Variants in MACF1 observed in about 807,000 individuals in gnomAD.
MACF1 encodes the protein microtubule-actin cross-linking factor 1.
MACF1 carries 193 observed loss-of-function variants against 854.8 expected under a neutral mutation model. The ratio of observed to expected loss-of-function variants is 0.23; its 90% CI spans 0.20 to 0.25. The LOEUF (loss-of-function observed/expected upper bound fraction) is 0.25, where lower values mean the gene tolerates loss of function less well. MACF1 is among the 10% of genes least tolerant of loss of function. The pLI is 1.00. For missense variants in MACF1, 7,722 were observed against 8,929.1 expected, an observed-to-expected ratio of 0.86 and a Z score of 5.45; for synonymous variants, 3,185 against 3,226.7, an observed-to-expected ratio of 0.99 and a Z score of 0.44.
intron 58 of MACF1, among the ~76,000 whole-genome samples, chr1:39,416,460 C>T (rs575501633): frequency 2.4e-4 from 35 of 143,252 alleles, no homozygotes; most frequent in Non-Finnish European, 4.3e-4. Context: ...GCCTAGGCAA[C>T]ATAGTAAGAC....
intron 1 of MACF1, among the ~76,000 whole-genome samples, chr1:39,210,371 C>T (rs1393092812): frequency 6.6e-6 from 1 of 151,562 alleles, no homozygotes; most frequent in Middle Eastern, 3.2e-3. Flanking sequence ...CCATTCCTTT[C>T]CTTTTTTTAA....
At chr1:39,211,530 G>A (rs1644516388) in intron 1 of MACF1, among the ~76,000 whole-genome samples, 1 of 152,064 alleles carries the variant, frequency 6.6e-6, no homozygotes, top group African/African-American at 2.4e-5. Flanking sequence ...GCCTCCCAAA[G>A]TGCTGGGATT....
chr1:39,333,538 T>C lies in MACF1; in HGVS notation c.6950T>C (p.Val2317Ala), dbSNP rs2148471864. Residue 2317 changes from valine (V) to alanine (A), a missense_variant, in exon 37 of 101, where the codon GTG becomes GCG. Coordinates refer to ENST00000564288, the MANE Select transcript of MACF1 (RefSeq NM_001394062.1). The part of the protein sequence containing the change: ...LLNEAISRGI[V>A]PSHTAVKLME... ...AATGAAGCAATATCCCGAGGCATTG[T>C]GCCAAGTCACACTGCCGTGAAGCTT... 1 of 1,614,240 alleles carries C rather than the reference T, an allele frequency of 6.2e-7. No homozygotes were observed. Among genetic ancestry groups the C allele is most frequent in the South Asian group, 1.1e-5 (1 of 91,082 alleles).
chr1:39,139,366 C>T (rs1643269271), intron 2 of MACF1, among the ~76,000 whole-genome samples: 1 of 151,214 alleles, frequency 6.6e-6, no homozygotes, highest in Admixed American at 6.6e-5. Flanking sequence ...AAGCGATTCT[C>T]CTGCCTCAGC....
intron 18 of MACF1, 77 bp downstream of exon 18, chr1:39,293,696 G>A: frequency 7.6e-7 from 1 of 1,321,312 alleles, no homozygotes; most frequent in Non-Finnish European, 1.0e-6. Flanking sequence ...TCTGCTGAAA[G>A]CTTGGGTGGC....
At chr1:39,306,610 C>CTTTTT (rs35360749) in intron 23 of MACF1, among the ~76,000 whole-genome samples, 1 of 124,512 alleles carries the variant, frequency 8.0e-6, no homozygotes, top group East Asian at 2.3e-4. Context: ...ACCATTCTAT[C>CTTTTT]TTTTTTTTTT....
chr1:39,339,201 G>A (rs1165712584), intron 38 of MACF1, among the ~76,000 whole-genome samples: 1 of 152,132 alleles, frequency 6.6e-6, no homozygotes, highest in Non-Finnish European at 1.5e-5. Context: ...GTTGTATTGA[G>A]CTATGAATGC....
chr1:39,359,106 G>T, intron 46 of MACF1, 35 bp from the exon 47 acceptor site: 1 of 1,613,002 alleles, frequency 6.2e-7, no homozygotes, highest in South Asian at 1.1e-5. Flanking sequence ...TGATTACTTA[G>T]ATGTTTTTCT....
intron 1 of MACF1, among the ~76,000 whole-genome samples, chr1:39,217,457 T>C (rs1203675485): frequency 2.0e-5 from 3 of 151,830 alleles, no homozygotes; most frequent in African/African-American, 7.3e-5. Context: ...GTATTTTTGG[T>C]AGAGATGGGG....
Position 39,429,275 on chromosome 1 carries a change from A to G in MACF1, c.16837A>G (p.Asn5613Asp). Residue 5613 changes from asparagine to aspartate, a missense_variant, in exon 64 of 101, where the codon AAT (asparagine) becomes GAT (aspartate). Around this residue, in one of 15 missense-constraint regions of MACF1, gnomAD observed 2,807 missense variants for 3,235.8 expected, o/e 0.87. Transcript: ENST00000564288. ...TGAAGAAATTGTTAATAGAAAGAAG[A>G]ATGTAGATCAAGCTATTAAAAATGG... ...LNEEIVNRKK[N>D]VDQAIKNGQA... 1 of 1,580,168 alleles carries G rather than the reference A, an allele frequency of 6.3e-7. No homozygotes were observed. The highest frequency in any genetic ancestry group is 8.7e-7 in the Non-Finnish European group (1 of 1,149,812).
intron 2 of MACF1, among the ~76,000 whole-genome samples, chr1:39,156,366 C>T (rs1410011913): frequency 1.3e-5 from 2 of 152,318 alleles, no homozygotes; most frequent in African/African-American, 2.4e-5. Flanking sequence ...ACGCCAGGCC[C>T]CCAGCACTTT....
chr1:39,296,120 G>C (rs1232513107), intron 20 of MACF1, among the ~76,000 whole-genome samples: 1 of 152,210 alleles, frequency 6.6e-6, no homozygotes, highest in Non-Finnish European at 1.5e-5. Context: ...CAGGCTGGGG[G>C]CTGGTTGGTC....
Position 39,469,761 on chromosome 1 carries a change from T to C in MACF1, c.21958+146T>C, listed in dbSNP as rs1245317286. 9 of 665,992 alleles carry C rather than the reference T, an allele frequency of 1.4e-5. No homozygotes were observed. The East Asian group carries it at 2.5e-4, about 18-fold the overall frequency. The allele number at this position is 665,992 out of a possible 1,614,324, so 41.3% of individuals were successfully genotyped here. On this transcript the variant is annotated intron_variant, in intron 97 of 100. Transcript: ENST00000564288. The stretch of plus-strand genomic sequence containing the variant: ...GCCAAACCATAGCTTTTCTAACTAC[T>C]CAAGTTGATGGTGCATAAAATACTG...
intron 25 of MACF1, 38 bp from the exon 26 acceptor site, chr1:39,310,793 G>T: frequency 6.4e-7 from 1 of 1,567,058 alleles, no homozygotes; most frequent in East Asian, 2.2e-5. Context: ...TATCTCTGAT[G>T]TCGAGCTTAC....
intron 20 of MACF1, among the ~76,000 whole-genome samples, chr1:39,297,021 T>C (rs1361830045): frequency 6.6e-6 from 1 of 151,870 alleles, no homozygotes; most frequent in Admixed American, 6.6e-5. Context: ...CCTCCCAGGT[T>C]CATGCCATTC....
At chr1:39,226,962 C>T (rs1351274393) in intron 1 of MACF1, among the ~76,000 whole-genome samples, 4 of 152,180 alleles carry the variant, frequency 2.6e-5, no homozygotes, top group South Asian at 2.1e-4. Flanking sequence ...GGCCTGATAT[C>T]GTGTGAAAAT....
chr1:39,304,712 C>G (rs1277702606), intron 23 of MACF1, among the ~76,000 whole-genome samples: 5 of 151,546 alleles, frequency 3.3e-5, no homozygotes, highest in Non-Finnish European at 7.4e-5. Context: ...TACAGGCGCC[C>G]GTCACCATGC....
chr1:39,222,674 A>T (rs1644667266), intron 1 of MACF1, among the ~76,000 whole-genome samples: 1 of 152,018 alleles, frequency 6.6e-6, no homozygotes, highest in African/African-American at 2.4e-5. Flanking sequence ...TGTTATTGTT[A>T]ATTATTTACA....
chr1:39,171,931 A>T (rs184813330), intron 2 of MACF1, among the ~76,000 whole-genome samples: 65 of 152,316 alleles, frequency 4.3e-4, no homozygotes, highest in African/African-American at 1.5e-3. Flanking sequence ...CGGCCCAGAC[A>T]TTATAATTTT....
Sources: gnomAD v4.1 joint callset for allele counts (sites outside exome capture counted in the v4.1 genomes callset) on GRCh38, gnomAD v4.1.1 for gene constraint, gnomAD v4.1.1 regional missense constraint, MANE v1.5 for transcripts, NCBI Gene and HGNC (gene_info 2026-07-23, HGNC 2026-07-21) for gene names.